The following SOX6 variants were observed in gnomAD, a reference collection of about 807,000 sequenced individuals.
SOX6 encodes the protein transcription factor SOX-6.
SOX6 carries 11 observed loss-of-function variants against 97.8 expected under a neutral mutation model. The observed-to-expected ratio is 0.11, with a 90% CI of 0.07 to 0.19. SOX6 has a LOEUF of 0.19. Among genes scored for constraint, SOX6 ranks in the 10% least tolerant of loss-of-function variants. SOX6 has a pLI of 1.00. For synonymous variants in SOX6, 360 were observed against 371.4 expected (o/e 0.97, Z 0.35); for missense variants, 810 against 1,039.5 (o/e 0.78, Z 3.04).
chr11:16,274,076 A>G (rs956281994), intron 3 of SOX6, among the ~76,000 whole-genome samples: 1 of 152,088 alleles, frequency 6.6e-6, no homozygotes, highest in Non-Finnish European at 1.5e-5. Context: ...CAGAAAGCCA[A>G]CTGTTTCTTT....
At chr11:16,531,331 C>CA (rs1253437309) in intron 4 of SOX6, among the ~76,000 whole-genome samples, 2 of 151,412 alleles carry the variant, frequency 1.3e-5, no homozygotes, top group African/African-American at 4.8e-5. Flanking sequence ...AAAATGCCCC[C>CA]ATTTGAAGAT....
At chr11:16,506,664 C>T (rs1015532102) in intron 4 of SOX6, among the ~76,000 whole-genome samples, 1 of 152,178 alleles carries the variant, frequency 6.6e-6, no homozygotes, top group Non-Finnish European at 1.5e-5. Flanking sequence ...GAATTGTACT[C>T]CCCAGTGTTG....
intron 3 of SOX6, among the ~76,000 whole-genome samples, chr11:16,677,990 C>A (rs946877835): frequency 1.3e-5 from 2 of 152,070 alleles, no homozygotes. Context: ...GCATAAAGTT[C>A]TTCTATTATC....
intron 4 of SOX6, among the ~76,000 whole-genome samples, chr11:16,486,891 A>T (rs949064583): frequency 6.6e-6 from 1 of 151,886 alleles, no homozygotes; most frequent in African/African-American, 2.4e-5. Context: ...AAGTATAATA[A>T]TAATAAAATA....
At chr11:16,232,663 T>C (rs536721671) in intron 4 of SOX6, among the ~76,000 whole-genome samples, 1 of 152,100 alleles carries the variant, frequency 6.6e-6, no homozygotes, top group Non-Finnish European at 1.5e-5. Flanking sequence ...TAATAAAATG[T>C]TAGTTTTCAC....
chr11:16,306,856 C>A (rs528857762), intron 3 of SOX6, among the ~76,000 whole-genome samples: 2 of 152,058 alleles, frequency 1.3e-5, no homozygotes, highest in Admixed American at 6.5e-5. Context: ...GATCTCCTGA[C>A]CGCGTGATCC....
rs755075346 is a variant in SOX6, at chr11:16,706,360, A to G, written n.429+8470T>C. Among the ~76,000 whole-genome samples the G allele has an allele frequency of 1.3e-3, 184 of 145,930 alleles. 1 individual carries two copies. The highest frequency in any genetic ancestry group is 1.3e-3 in the Admixed American group (19 of 14,536). On this transcript the variant is annotated intron_variant and non_coding_transcript_variant, in intron 3 of 5. Coordinates refer to the SOX6 transcript ENST00000524520. Reference sequence around the variant, plus strand: ...CTACTCAGGAGGCTGAGGCTGGAGGATCACTTAAGCCTGGGAGGTCAAGGC... The same window carrying G: ...CTACTCAGGAGGCTGAGGCTGGAGGGTCACTTAAGCCTGGGAGGTCAAGGC...
intron 4 of SOX6, among the ~76,000 whole-genome samples, chr11:16,215,553 C>G (rs1467795211): frequency 6.6e-6 from 1 of 152,088 alleles, no homozygotes; most frequent in Non-Finnish European, 1.5e-5. Context: ...ATCTAGGCAC[C>G]CTGTCAACTG....
chr11:16,130,124 A>G (rs1383602781), intron 6 of SOX6, among the ~76,000 whole-genome samples: 1 of 152,046 alleles, frequency 6.6e-6, no homozygotes, highest in African/African-American at 2.4e-5. Flanking sequence ...GGCCAATAAC[A>G]AAAATAAATT....
intron 3 of SOX6, among the ~76,000 whole-genome samples, chr11:16,633,850 C>T (rs895231864): frequency 6.6e-6 from 1 of 152,214 alleles, no homozygotes; most frequent in African/African-American, 2.4e-5. Context: ...GCAAGAGAAA[C>T]TTCTCAGTTT....
At chr11:16,017,178 G>C (rs532849022) in intron 12 of SOX6, among the ~76,000 whole-genome samples, 21 of 151,996 alleles carry the variant, frequency 1.4e-4, no homozygotes, top group African/African-American at 4.8e-4. Context: ...AGTAGTATCA[G>C]CTTGTTTTTA....
chr11:16,092,943 A>T (rs1409388646), intron 9 of SOX6, among the ~76,000 whole-genome samples: 1 of 151,844 alleles, frequency 6.6e-6, no homozygotes, highest in Non-Finnish European at 1.5e-5. Context: ...CTAAATTTAC[A>T]TGACTGCCTC....
upstream of SOX6, among the ~76,000 whole-genome samples, chr11:16,476,755 G>C (rs928636711): frequency 6.6e-6 from 1 of 152,202 alleles, no homozygotes; most frequent in Admixed American, 6.5e-5. Context: ...AAATGAATTA[G>C]CTTCACAGAG....
chr11:16,386,337 G>A (rs1224210868), intron 1 of SOX6, among the ~76,000 whole-genome samples: 6 of 151,388 alleles, frequency 4.0e-5, no homozygotes, highest in Non-Finnish European at 8.8e-5. Flanking sequence ...CCTTTTTTGC[G>A]GGGGGCAGGT....
intron 3 of SOX6, among the ~76,000 whole-genome samples, chr11:16,706,361 T>A (rs1232449466): frequency 7.0e-6 from 1 of 143,742 alleles, no homozygotes; most frequent in Non-Finnish European, 1.5e-5. Flanking sequence ...GGCTGGAGGA[T>A]CACTTAAGCC....
At chr11:16,689,652 T>C (rs1268820218) in intron 3 of SOX6, among the ~76,000 whole-genome samples, 1 of 152,212 alleles carries the variant, frequency 6.6e-6, no homozygotes, top group Non-Finnish European at 1.5e-5. Flanking sequence ...TCCACCTAAA[T>C]TTAAATATTT....
chr11:16,237,418 T>C (rs760893657), intron 3 of SOX6, among the ~76,000 whole-genome samples: 5 of 152,164 alleles, frequency 3.3e-5, no homozygotes, highest in Admixed American at 2.0e-4. Context: ...CAAATTTCTA[T>C]CTCAAAACAA....
intron 9 of SOX6, among the ~76,000 whole-genome samples, chr11:16,078,164 T>C (rs894698673): frequency 2.6e-5 from 4 of 152,220 alleles, no homozygotes; most frequent in African/African-American, 9.6e-5. Flanking sequence ...TGTGTTTTCC[T>C]TTTGTTTCCA....
At chr11:16,020,498 C>T (rs1855022541) in intron 12 of SOX6, among the ~76,000 whole-genome samples, 1 of 152,112 alleles carries the variant, frequency 6.6e-6, no homozygotes, top group Non-Finnish European at 1.5e-5. Flanking sequence ...CTTTCATACA[C>T]TGCTCCCCAC....
Sources: gnomAD v4.1 joint callset for allele counts (sites outside exome capture counted in the v4.1 genomes callset) on GRCh38, gnomAD v4.1.1 for gene constraint, MANE v1.5 for transcripts, NCBI Gene and HGNC (gene_info 2026-07-23, HGNC 2026-07-21) for gene names.